Variants in ORC5 observed in about 807,000 individuals in gnomAD.
ORC5 encodes protein phosphatase 1, regulatory subunit 117.
In ORC5, 39 loss-of-function variants were observed where a neutral mutation model predicts 58.8. The observed-to-expected ratio is 0.66, with a 90% CI of 0.51 to 0.87. ORC5 has a LOEUF of 0.87. Among genes scored for constraint, ORC5 ranks in the 40% least tolerant of loss-of-function variants. The probability of loss-of-function intolerance (pLI) is 0.00; values close to 1 mark genes in which losing one functional copy is unlikely to be tolerated. For synonymous variants in ORC5, 218 were observed against 177.6 expected, an observed-to-expected ratio of 1.23 and a Z score of -1.81; for missense variants, 493 against 506.3, an observed-to-expected ratio of 0.97 and a Z score of 0.25.
chr7:104,186,280 C>T (rs978998015), intron 6 of ORC5, among the ~76,000 whole-genome samples: 2 of 151,864 alleles, frequency 1.3e-5, no homozygotes, highest in East Asian at 1.9e-4. Context: ...AATACAAAAC[C>T]CATGTATATG....
In ORC5 at chr7:104,165,235, CT is replaced by C; in HGVS notation, c.1037del (p.Lys346ArgfsTer14). The C allele has an allele frequency of 1.4e-6, 2 of 1,462,248 alleles. No homozygotes were observed. The highest frequency in any genetic ancestry group is 1.9e-6 in the Non-Finnish European group (2 of 1,060,002). 90.6% of individuals were successfully genotyped at this position (1,462,248 alleles called of 1,614,324 possible). On this transcript the variant is annotated frameshift_variant and splice_region_variant, in exon 11 of 14. Transcript: ENST00000297431. LOFTEE classifies it high-confidence loss of function. Reference protein sequence around the residue: ...KKTNFLKKHEKTSNHLLGPKP... With the variant: ...KKTNFLKKHEXTSNHLLGPKP... Reference sequence around the variant, plus strand: ...CCATTAGAAATTAAAATGTAAATACCTTTTCGTGTTTTTTTAGAAAGTTGGT... The same window carrying C: ...CCATTAGAAATTAAAATGTAAATACCTTTCGTGTTTTTTTAGAAAGTTGGT...
At chr7:104,194,844 T>C (rs899026586) in intron 5 of ORC5, among the ~76,000 whole-genome samples, 2 of 151,732 alleles carry the variant, frequency 1.3e-5, no homozygotes, top group African/African-American at 4.9e-5. Flanking sequence ...AATTATACAA[T>C]AACCTCTCAC....
intron 13 of ORC5, among the ~76,000 whole-genome samples, chr7:104,127,888 T>G (rs1798454079): frequency 1.3e-5 from 2 of 152,304 alleles, no homozygotes; most frequent in South Asian, 4.1e-4. Flanking sequence ...TACCTAATGT[T>G]GGACTGAAGA....
Position 104,204,240 on chromosome 7 carries a change from G to A in ORC5, c.73-6C>T, listed in dbSNP as rs749723471. ...GGAAAGCTGAAATGATGTCTCTAAC[G>A]AGAGAAAAGACAAATATGAGGCTGC... is the stretch of plus-strand genomic sequence containing the variant. On this transcript the variant is annotated splice_region_variant and splice_polypyrimidine_tract_variant and intron_variant, in intron 1 of 13. Transcript: ENST00000297431. 2.8e-5 allele frequency: 43 copies of A among 1,517,178 alleles called. No homozygotes were observed. The East Asian group carries it at 5.4e-4, about 19-fold the overall frequency. The allele number at this position is 1,517,178 out of a possible 1,614,324, so 94.0% of individuals were successfully genotyped here. A position where few individuals can be genotyped will look rare whatever the true frequency, so the allele number is the denominator to read the frequency against.
chr7:104,134,297 C>A (rs1165876744), intron 13 of ORC5, among the ~76,000 whole-genome samples: 1 of 151,618 alleles, frequency 6.6e-6, no homozygotes, highest in Non-Finnish European at 1.5e-5. Flanking sequence ...TGCCTGTGAT[C>A]CCAGCCACAC....
At chr7:104,187,468 G>C (rs1799573490) in intron 6 of ORC5, 1 of 152,326 alleles carries the variant, frequency 6.6e-6, no homozygotes, top group South Asian at 2.1e-4. Flanking sequence ...AAAGAACAAA[G>C]TGAAGAAAAT....
intron 8 of ORC5, among the ~76,000 whole-genome samples, chr7:104,182,782 T>C (rs971947201): frequency 1.3e-5 from 2 of 152,314 alleles, no homozygotes; most frequent in East Asian, 1.9e-4. Context: ...GAGATTGTCA[T>C]ATTACTATAC....
intron 11 of ORC5, among the ~76,000 whole-genome samples, chr7:104,163,183 T>C (rs1799051386): frequency 6.6e-6 from 1 of 152,230 alleles, no homozygotes; most frequent in Non-Finnish European, 1.5e-5. Context: ...GTCAGTGCTA[T>C]GTGTCTGCCA....
chr7:104,128,162 G>C (rs763662963), intron 13 of ORC5, among the ~76,000 whole-genome samples: 36 of 152,158 alleles, frequency 2.4e-4, no homozygotes, highest in Non-Finnish European at 4.4e-4. Context: ...TTGCTCTGTC[G>C]CCCAGGCTGG....
intron 8 of ORC5, among the ~76,000 whole-genome samples, chr7:104,173,105 T>A (rs976280226): frequency 1.3e-4 from 20 of 151,850 alleles, no homozygotes; most frequent in African/African-American, 4.6e-4. Context: ...TAATGCTTGA[T>A]AAAAGAACCA....
chr7:104,158,692 G>C (rs1232787976), intron 12 of ORC5, among the ~76,000 whole-genome samples: 1 of 151,840 alleles, frequency 6.6e-6, no homozygotes, highest in Non-Finnish European at 1.5e-5. Flanking sequence ...CTTCTCAAAA[G>C]AAGACATTTA....
At chr7:104,134,957 G>T (rs1798566908) in intron 13 of ORC5, among the ~76,000 whole-genome samples, 1 of 152,150 alleles carries the variant, frequency 6.6e-6, no homozygotes, top group Admixed American at 6.5e-5. Context: ...GAAAGTTACA[G>T]AGCCCCCAAG....
chr7:104,187,864 A>C, intron 6 of ORC5: 2 of 989,524 alleles, frequency 2.0e-6, no homozygotes, highest in Non-Finnish European at 2.4e-6. Context: ...ATAAAACTTG[A>C]ACAAAATCTG....
At chr7:104,201,071 C>T in intron 2 of ORC5, 113 bp from the exon 3 acceptor site, 1 of 779,294 alleles carries the variant, frequency 1.3e-6, no homozygotes, top group Non-Finnish European at 2.1e-6. Context: ...ACCAAACCCA[C>T]CCCATGCCCC....
intron 1 of ORC5, among the ~76,000 whole-genome samples, chr7:104,205,407 T>A (rs1293259108): frequency 1.3e-5 from 2 of 152,126 alleles, no homozygotes; most frequent in African/African-American, 4.8e-5. Flanking sequence ...ATAATACATT[T>A]TTTTAAATAA....
At chr7:104,182,800 T>C (rs1021629721) in intron 8 of ORC5, among the ~76,000 whole-genome samples, 7 of 152,212 alleles carry the variant, frequency 4.6e-5, no homozygotes, top group Non-Finnish European at 8.8e-5. Flanking sequence ...TACATTTTAC[T>C]TTGTATTTTC....
chr7:104,140,666 C>A (rs977672654), intron 12 of ORC5, among the ~76,000 whole-genome samples: 4 of 152,166 alleles, frequency 2.6e-5, no homozygotes, highest in Admixed American at 6.5e-5. Flanking sequence ...ATGGTGGCCA[C>A]CCTGCCTGTT....
intron 8 of ORC5, among the ~76,000 whole-genome samples, chr7:104,183,564 T>A (rs1034336380): frequency 6.6e-6 from 1 of 152,140 alleles, no homozygotes; most frequent in African/African-American, 2.4e-5. Flanking sequence ...AAAGAACTAT[T>A]ACAAAAGACA....
chr7:104,184,059 G>T, intron 7 of ORC5, 26 bp from the exon 8 acceptor site: 3 of 1,597,036 alleles, frequency 1.9e-6, no homozygotes, highest in Non-Finnish European at 2.6e-6. Context: ...GAAAATTTCA[G>T]TAATTTATAT....
Sources: gnomAD v4.1 joint callset for allele counts (sites outside exome capture counted in the v4.1 genomes callset) on GRCh38, gnomAD v4.1.1 for gene constraint, MANE v1.5 for transcripts, NCBI Gene and HGNC (gene_info 2026-07-23, HGNC 2026-07-21) for gene names.